The following PHACTR3 variants were observed in gnomAD, a reference collection of about 807,000 sequenced individuals.
PHACTR3 encodes the protein protein phosphatase 1, regulatory subunit 123.
PHACTR3 carries 16 observed loss-of-function variants against 66.8 expected under a neutral mutation model. The ratio of observed to expected loss-of-function variants is 0.24; its 90% CI spans 0.16 to 0.36. The LOEUF (loss-of-function observed/expected upper bound fraction) is 0.36. Among genes scored for constraint, PHACTR3 ranks in the 10% least tolerant of loss-of-function variants. The pLI is 1.00. For synonymous variants in PHACTR3, 323 were observed against 292.1 expected (o/e 1.11, Z -1.08); for missense variants, 647 against 719.9 (o/e 0.90, Z 1.16).
intron 1 of PHACTR3, among the ~76,000 whole-genome samples, chr20:59,580,314 C>T (rs2032822398): frequency 6.6e-6 from 1 of 152,120 alleles, no homozygotes; most frequent in Non-Finnish European, 1.5e-5. Context: ...TCAAGAAGGT[C>T]CCTTTGACTT....
chr20:59,802,285 A>G (rs2041435962), intron 7 of PHACTR3, among the ~76,000 whole-genome samples: 1 of 152,138 alleles, frequency 6.6e-6, no homozygotes, highest in African/African-American at 2.4e-5. Flanking sequence ...ATAGGAAGCA[A>G]ATGTGGACAG....
chr20:59,644,980 C>T (rs2035232384), intron 1 of PHACTR3, among the ~76,000 whole-genome samples: 2 of 152,054 alleles, frequency 1.3e-5, no homozygotes, highest in Admixed American at 1.3e-4. Context: ...AAACATAGGG[C>T]CTGACAGCAC....
chr20:59,755,241 C>T lies in PHACTR3; in HGVS notation c.418C>T (p.Pro140Ser). ...GGPRSVQSEP[P>S]TPKSETLTSE... ...ACCCCGATCTGTACAGAGTGAACCA[C>T]CCACTCCCAAGTCGGAGACGCTGAC... is the stretch of plus-strand genomic sequence containing the variant. The change falls in exon 4 of 13, where the codon CCC becomes TCC. Residue 140 changes from proline (P) to serine (S), a missense_variant. Physicochemically the swap from Pro to Ser is moderately conservative, Grantham distance 74 (BLOSUM62 -1). Transcript: ENST00000371015. The T allele has an allele frequency of 6.2e-7, 1 of 1,613,998 alleles. No homozygotes were observed. The highest frequency in any genetic ancestry group is 8.5e-7 in the Non-Finnish European group (1 of 1,180,044).
intron 1 of PHACTR3, among the ~76,000 whole-genome samples, chr20:59,615,374 T>G (rs1430210041): frequency 6.6e-6 from 1 of 152,172 alleles, no homozygotes; most frequent in Non-Finnish European, 1.5e-5. Context: ...AGCACTACAG[T>G]GTGCATGGAG....
chr20:59,727,684 G>A (rs1446187240), intron 1 of PHACTR3, among the ~76,000 whole-genome samples: 1 of 152,152 alleles, frequency 6.6e-6, no homozygotes, highest in Non-Finnish European at 1.5e-5. Context: ...AAGCCGAATA[G>A]CCTAATTCAA....
At chr20:59,657,609 C>A (rs972273381) in intron 1 of PHACTR3, among the ~76,000 whole-genome samples, 1 of 152,124 alleles carries the variant, frequency 6.6e-6, no homozygotes, top group African/African-American at 2.4e-5. Flanking sequence ...TCTCCTTCAG[C>A]ACTTTGAATA....
At chr20:59,654,218 TA>T (rs1274981711) in intron 1 of PHACTR3, among the ~76,000 whole-genome samples, 1 of 152,206 alleles carries the variant, frequency 6.6e-6, no homozygotes, top group Non-Finnish European at 1.5e-5. Context: ...TGAAAGTTGC[TA>T]AAAAAGGAAT....
chr20:59,583,552 C>G (rs778674336), intron 1 of PHACTR3, among the ~76,000 whole-genome samples: 5 of 152,240 alleles, frequency 3.3e-5, no homozygotes, highest in Non-Finnish European at 5.9e-5. Flanking sequence ...GAGGGAGGCT[C>G]CCCGCGTGCC....
chr20:59,633,494 C>T (rs6015536), intron 1 of PHACTR3, among the ~76,000 whole-genome samples: 23 of 152,190 alleles, frequency 1.5e-4, no homozygotes, highest in African/African-American at 5.3e-4. Flanking sequence ...CACACCAGGG[C>T]CTGTTGAGTG....
intron 1 of PHACTR3, among the ~76,000 whole-genome samples, chr20:59,612,580 T>G (rs540965885): frequency 2.0e-5 from 3 of 152,274 alleles, no homozygotes; most frequent in East Asian, 1.9e-4. Flanking sequence ...GAGATGGGGA[T>G]TCACTATGCT....
intron 1 of PHACTR3, among the ~76,000 whole-genome samples, chr20:59,680,620 C>T (rs574298699): frequency 9.9e-5 from 15 of 152,278 alleles, no homozygotes; most frequent in Middle Eastern, 3.4e-3. Context: ...GCTTTGAATG[C>T]GGCGCAACAC....
chr20:59,700,784 GTTTTGT>G (rs1292326240), intron 1 of PHACTR3, among the ~76,000 whole-genome samples: 1 of 150,146 alleles, frequency 6.7e-6, no homozygotes, highest in African/African-American at 2.5e-5. Flanking sequence ...TACTTTTTTT[GTTTTGT>G]TTTTTTGTTT....
chr20:59,742,311 G>T (rs930886130), intron 1 of PHACTR3, among the ~76,000 whole-genome samples: 1 of 152,224 alleles, frequency 6.6e-6, no homozygotes, highest in African/African-American at 2.4e-5. Context: ...CTGTGGACGG[G>T]TATGTAGGTC....
In PHACTR3 at chr20:59,774,248, A is replaced by G. The variant is rs149746681; in HGVS notation, c.932A>G (p.Gln311Arg). The G allele has an allele frequency of 3.2e-6, 5 of 1,582,382 alleles. No homozygotes were observed. The African/African-American group carries it at 6.8e-5, about 22-fold the overall frequency. ...GAACCATCTTTCTGGTTTAGTTTTC[A>G]AGGAAGAGAAAGTAAAGGGTCTCCA... ...LATKHRQDSF[Q>R]GRESKGSPKK... The change falls in exon 7 of 13, where the codon CAA (glutamine) becomes CGA (arginine). Residue 311 changes from glutamine (Q) to arginine (R), a missense_variant. By Grantham distance (43) the Gln-to-Arg change is conservative. Coordinates refer to ENST00000371015, the MANE Select transcript of PHACTR3 (RefSeq NM_080672.5).
chr20:59,774,634 C>G (rs919106692), intron 7 of PHACTR3, 144 bp downstream of exon 7: 1 of 1,170,850 alleles, frequency 8.5e-7, no homozygotes, highest in Non-Finnish European at 1.2e-6. Context: ...GCTGTGTCCT[C>G]TGGAAATGAG....
chr20:59,748,214 A>G (rs756423924), intron 3 of PHACTR3, among the ~76,000 whole-genome samples: 3 of 152,086 alleles, frequency 2.0e-5, no homozygotes, highest in Admixed American at 6.5e-5. Context: ...TGGGCAAATT[A>G]TTTTTAATTC....
intron 8 of PHACTR3, among the ~76,000 whole-genome samples, chr20:59,813,357 T>G (rs2041793491): frequency 6.6e-6 from 1 of 152,150 alleles, no homozygotes; most frequent in South Asian, 2.1e-4. Flanking sequence ...TGCCTCAGGG[T>G]TAATCCATGG....
chr20:59,613,130 AT>A (rs2033912932), intron 1 of PHACTR3, among the ~76,000 whole-genome samples: 2 of 152,216 alleles, frequency 1.3e-5, no homozygotes, highest in African/African-American at 4.8e-5. Context: ...GGGGACAAAT[AT>A]TCAAACCCTA....
chr20:59,738,666 C>T lies in PHACTR3; in HGVS notation c.119-4441C>T, dbSNP rs2039039765. Reference sequence around the variant, plus strand: ...TCTGTCGTGGGGACCCACCTAACTCCTTGATGCTGTGGCCCTCAGCAGACC... The same window carrying T: ...TCTGTCGTGGGGACCCACCTAACTCTTTGATGCTGTGGCCCTCAGCAGACC... On this transcript the variant is annotated intron_variant, in intron 1 of 12. Transcript: ENST00000371015. The surrounding 1 kb of genome is among the most constrained non-coding windows in gnomAD (Gnocchi z 4.4). 6.6e-6 allele frequency among the ~76,000 whole-genome samples: 1 copy of T among 152,166 alleles called. No homozygotes were observed. Among genetic ancestry groups the T allele is most frequent in the Non-Finnish European group, 1.5e-5 (1 of 68,024 alleles).
Sources: allele counts gnomAD v4.1 joint callset (sites outside exome capture counted in the v4.1 genomes callset), GRCh38; gene constraint gnomAD v4.1.1; non-coding constraint Gnocchi (gnomAD v3.1); transcripts MANE v1.5; gene names NCBI Gene and HGNC (gene_info 2026-07-23, HGNC 2026-07-21).